ARB2A: variants seen among roughly 807,000 people sequenced by gnomAD.
The protein encoded by ARB2A is cotranscriptional regulator ARB2A.
chr5:93,938,539 A>G, the ARB2A span, among the ~76,000 whole-genome samples: 1 of 152,222 alleles, frequency 6.6e-6, no homozygotes, highest in African/African-American at 2.4e-5. Context: ...TGAACACTGC[A>G]AATTGCCTTG....
chr5:94,017,588 T>C, the ARB2A span, among the ~76,000 whole-genome samples: 1 of 152,222 alleles, frequency 6.6e-6, no homozygotes, highest in Non-Finnish European at 1.5e-5. Context: ...CTTCAGCCAG[T>C]AGTAACCAGA....
At chr5:93,720,952 G>C in the ARB2A span, among the ~76,000 whole-genome samples, 2 of 151,980 alleles carry the variant, frequency 1.3e-5, no homozygotes, top group African/African-American at 2.4e-5. Context: ...TTCTGCTTCT[G>C]AAATAAAATG....
chr5:93,929,017 T>C, the ARB2A span, among the ~76,000 whole-genome samples: 1 of 152,088 alleles, frequency 6.6e-6, no homozygotes. Flanking sequence ...CTTTTTTTGA[T>C]ATTAGTCTTC....
the ARB2A span, among the ~76,000 whole-genome samples, chr5:93,999,861 T>G: frequency 6.6e-6 from 1 of 152,098 alleles, no homozygotes; most frequent in East Asian, 1.9e-4. Context: ...GATTTTACTC[T>G]CACTACAGCT....
At chr5:94,034,056 T>A in the ARB2A span, among the ~76,000 whole-genome samples, 1 of 152,226 alleles carries the variant, frequency 6.6e-6, no homozygotes, top group African/African-American at 2.4e-5. Flanking sequence ...TGATGCAGCA[T>A]GAGGCCCTCA....
At chr5:93,793,377 G>C in the ARB2A span, among the ~76,000 whole-genome samples, 1 of 150,330 alleles carries the variant, frequency 6.7e-6, no homozygotes, top group South Asian at 2.1e-4. Context: ...AGTCACTGCA[G>C]GCAGCCTACA....
the ARB2A span, among the ~76,000 whole-genome samples, chr5:93,757,546 C>T: frequency 1.3e-5 from 2 of 152,278 alleles, no homozygotes; most frequent in African/African-American, 4.8e-5. Flanking sequence ...AGAAACCCTA[C>T]AAGCCAGAAG....
chr5:93,855,646 C>T, the ARB2A span, among the ~76,000 whole-genome samples: 3 of 152,212 alleles, frequency 2.0e-5, no homozygotes, highest in South Asian at 6.2e-4. Context: ...TCTTTTAGGG[C>T]AGGCCTGGTG....
chr5:93,663,776 G>A, the ARB2A span, among the ~76,000 whole-genome samples: 1,740 of 152,210 alleles, frequency 0.011, 30 homozygotes, highest in African/African-American at 0.039. Context: ...ACAATTACAA[G>A]TATACTCTAA....
chr5:93,632,569 G>A, the ARB2A span, among the ~76,000 whole-genome samples: 1 of 152,162 alleles, frequency 6.6e-6, no homozygotes, highest in African/African-American at 2.4e-5. Flanking sequence ...GTTTTAATCA[G>A]GGGAGAAATA....
At chr5:94,090,807 T>C in the ARB2A span, among the ~76,000 whole-genome samples, 1 of 152,240 alleles carries the variant, frequency 6.6e-6, no homozygotes, top group African/African-American at 2.4e-5. Flanking sequence ...ATTGGTTCTG[T>C]GTATGTGATG....
chr5:93,797,345 A>T, the ARB2A span, among the ~76,000 whole-genome samples: 1 of 152,158 alleles, frequency 6.6e-6, no homozygotes, highest in Non-Finnish European at 1.5e-5. Flanking sequence ...AATGATTCAG[A>T]GTCTCTATTC....
chr5:93,636,839 T>C, the ARB2A span, among the ~76,000 whole-genome samples: 1 of 152,256 alleles, frequency 6.6e-6, no homozygotes, highest in Admixed American at 6.5e-5. Flanking sequence ...ACTCATTTAT[T>C]CATTAATTCA....
chr5:94,006,848 C>G, the ARB2A span, among the ~76,000 whole-genome samples: 1 of 152,084 alleles, frequency 6.6e-6, no homozygotes, highest in Non-Finnish European at 1.5e-5. Context: ...ACAGCAATAA[C>G]GAAGTATTTT....
the ARB2A span, among the ~76,000 whole-genome samples, chr5:94,065,605 A>T: frequency 6.6e-6 from 1 of 152,232 alleles, no homozygotes; most frequent in Admixed American, 6.5e-5. Context: ...GCAGAATTTA[A>T]GTCAAAAGCA....
At chr5:93,838,124 T>G in the ARB2A span, among the ~76,000 whole-genome samples, 1 of 152,020 alleles carries the variant, frequency 6.6e-6, no homozygotes, top group Admixed American at 6.6e-5. Flanking sequence ...TCCTGAAGGG[T>G]TTTTATAGTT....
the ARB2A span, among the ~76,000 whole-genome samples, chr5:93,837,943 C>T: frequency 6.6e-6 from 1 of 152,024 alleles, no homozygotes; most frequent in Non-Finnish European, 1.5e-5. Context: ...AATATTTTTC[C>T]TATTCTATAG....
chr5:93,719,445 T>G, the ARB2A span, among the ~76,000 whole-genome samples: 5 of 152,228 alleles, frequency 3.3e-5, no homozygotes, highest in Non-Finnish European at 5.9e-5. Flanking sequence ...CTCATCTTTT[T>G]GCACTCACCA....
the ARB2A span, among the ~76,000 whole-genome samples, chr5:93,874,411 T>C: frequency 2.6e-5 from 4 of 152,128 alleles, no homozygotes; most frequent in African/African-American, 9.7e-5. Flanking sequence ...CCTCACCCAC[T>C]GGTGTCCAGG....
Sources: gnomAD v4.1 joint callset for allele counts (sites outside exome capture counted in the v4.1 genomes callset) on GRCh38, gnomAD v4.1.1 for gene constraint, MANE v1.5 for transcripts, NCBI Gene and HGNC (gene_info 2026-07-23, HGNC 2026-07-21) for gene names.